Variants in ELF5 observed in about 807,000 individuals in gnomAD.
ELF5 encodes ETS-related transcription factor Elf-5.
A neutral mutation model predicts 38.2 loss-of-function variants in ELF5; 31 were observed. The ratio of observed to expected loss-of-function variants is 0.81; its 90% CI spans 0.61 to 1.10. The LOEUF is 1.10. Among genes scored for constraint, ELF5 ranks in the 50% least tolerant of loss-of-function variants. ELF5 has a pLI of 0.00. For missense variants in ELF5, 300 were observed against 306.6 expected (o/e 0.98, Z 0.16); for synonymous variants, 121 against 112.5 (o/e 1.08, Z -0.48).
intron 5 of ELF5, among the ~76,000 whole-genome samples, chr11:34,481,831 T>A (rs1357336015): frequency 6.6e-6 from 1 of 152,182 alleles, no homozygotes; most frequent in Non-Finnish European, 1.5e-5. Flanking sequence ...AATGGGATAA[T>A]AAAGAGTACC....
At chr11:34,485,476 T>C (rs1849965206) in intron 4 of ELF5, among the ~76,000 whole-genome samples, 1 of 152,200 alleles carries the variant, frequency 6.6e-6, no homozygotes, top group African/African-American at 2.4e-5. Context: ...TTATTAAGTG[T>C]GAATAGACAA....
At chr11:34,512,013 G>A (rs1850773007) in intron 1 of ELF5, among the ~76,000 whole-genome samples, 1 of 152,104 alleles carries the variant, frequency 6.6e-6, no homozygotes, top group Non-Finnish European at 1.5e-5. Context: ...CCTCTGAGTG[G>A]TATCATTGGG....
chr11:34,480,401 C>A, intron 6 of ELF5, 87 bp from the exon 7 acceptor site: 3 of 1,061,544 alleles, frequency 2.8e-6, no homozygotes, highest in Non-Finnish European at 4.3e-6. Context: ...TCATTCCTCT[C>A]AGGTGACAAG....
At position 34,482,455 on chromosome 11, in the gene ELF5, C is replaced by T. The variant is rs200183396; in HGVS notation, c.451G>A (p.Asp151Asn). 271 of 1,612,476 alleles carry T rather than the reference C, an allele frequency of 1.7e-4. 4 individuals are homozygous for T. The highest frequency in any genetic ancestry group is 1.1e-4 in the Non-Finnish European group (125 of 1,179,710). Residue 151 changes from aspartate to asparagine, a missense_variant, in exon 5 of 7, where the codon GAC (aspartate) becomes AAC (asparagine). By Grantham distance (23) the Asp-to-Asn change is conservative (BLOSUM62 1). Coordinates refer to ENST00000257832, the MANE Select transcript of ELF5 (RefSeq NM_001422.4). ...CLKTSGIKSQ[D>N]CHSHSRTSLQ... ...CTTGTTCTACTATGACTGTGACAGT[C>T]TTGACTTTTGATGCCACTTGTTTTC... is the stretch of plus-strand genomic sequence containing the variant.
intron 2 of ELF5, among the ~76,000 whole-genome samples, chr11:34,497,702 G>A (rs1278380151): frequency 6.6e-6 from 1 of 152,092 alleles, no homozygotes; most frequent in Non-Finnish European, 1.5e-5. Context: ...TGGAAAGGTG[G>A]GCCTTGTGTT....
At chr11:34,485,237 G>A (rs1849959028) in intron 4 of ELF5, among the ~76,000 whole-genome samples, 1 of 152,182 alleles carries the variant, frequency 6.6e-6, no homozygotes, top group African/African-American at 2.4e-5. Context: ...TCATTGCAAA[G>A]CTAATGTTCA....
chr11:34,488,967 C>G (rs1185315760), intron 4 of ELF5, among the ~76,000 whole-genome samples: 1 of 152,094 alleles, frequency 6.6e-6, no homozygotes, highest in Non-Finnish European at 1.5e-5. Flanking sequence ...TCTACCAGCA[C>G]CAGGAAACAG....
At chr11:34,510,565 TC>T (rs1436139600) in intron 1 of ELF5, among the ~76,000 whole-genome samples, 1 of 152,164 alleles carries the variant, frequency 6.6e-6, no homozygotes, top group Non-Finnish European at 1.5e-5. Context: ...GAGCCCCCTT[TC>T]TCAGAAGTAA....
At chr11:34,493,228 C>T (rs1850221472) in intron 3 of ELF5, 1 of 597,840 alleles carries the variant, frequency 1.7e-6, no homozygotes, top group East Asian at 2.8e-5. Flanking sequence ...CTGGGCAGTC[C>T]CTGAACGTGG....
Position 34,491,014 on chromosome 11 carries a change from C to T in ELF5, c.356-955G>A, listed in dbSNP as rs114703923. 2.9e-3 allele frequency among the ~76,000 whole-genome samples: 446 copies of T among 152,228 alleles called. 1 individual carries two copies. Among genetic ancestry groups the T allele is most frequent in the African/African-American group, 0.01 (417 of 41,526 alleles). On this transcript the variant is annotated intron_variant, in intron 3 of 6. Transcript: ENST00000257832. ...CCCTTAAATCCTACTGCAATACCTA[C>T]CGAGCTGGATGGTGCTGAGGCCTTA...
chr11:34,510,639 T>G (rs1590346121), intron 1 of ELF5, among the ~76,000 whole-genome samples: 1 of 151,666 alleles, frequency 6.6e-6, no homozygotes, highest in Non-Finnish European at 1.5e-5. Flanking sequence ...TCAAGGGGGG[T>G]GATATTGCCC....
intron 1 of ELF5, among the ~76,000 whole-genome samples, chr11:34,513,348 G>C (rs1218496723): frequency 6.6e-6 from 1 of 152,244 alleles, no homozygotes; most frequent in Admixed American, 6.5e-5. Flanking sequence ...GTAAAATCCA[G>C]CTTCCCTTCC....
chr11:34,511,003 G>A (rs1850740020), intron 1 of ELF5, among the ~76,000 whole-genome samples: 1 of 152,042 alleles, frequency 6.6e-6, no homozygotes, highest in Non-Finnish European at 1.5e-5. Context: ...TCTGCCTCTT[G>A]CCCCTCTCCA....
At chr11:34,506,188 A>G (rs1850610436) in intron 1 of ELF5, among the ~76,000 whole-genome samples, 1 of 152,212 alleles carries the variant, frequency 6.6e-6, no homozygotes, top group Admixed American at 6.5e-5. Context: ...CTGTGCAGTA[A>G]CACAGATGCA....
In ELF5 at chr11:34,490,039, C is replaced by T. The variant is rs368334489; in HGVS notation, c.376G>A (p.Ala126Thr). Residue 126 changes from alanine (A) to threonine (T), a missense_variant, in exon 4 of 7, where the codon GCT becomes ACT. Transcript: ENST00000257832. ...TTGATGGTGGCCTTGCTTTCTTCAG[C>T]GTCATTAAAAAAGGAGTAACCTGGG... ...RTQGYSFFND[A>T]EESKATIKDY... 2.4e-5 allele frequency: 38 copies of T among 1,613,878 alleles called. No homozygotes were observed. The highest frequency in any genetic ancestry group is 2.2e-4 in the South Asian group (20 of 91,066).
rs942222 is a variant in ELF5, at chr11:34,489,568, G to A, written c.406+441C>T. 3.3e-3 allele frequency among the ~76,000 whole-genome samples: 502 copies of A among 152,170 alleles called. 2 individuals carry two copies. The highest frequency in any genetic ancestry group is 0.011 in the African/African-American group (449 of 41,504). On this transcript the variant is annotated intron_variant, in intron 4 of 6. Coordinates refer to ENST00000257832, the MANE Select transcript of ELF5 (RefSeq NM_001422.4). Reference sequence around the variant, plus strand: ...ACAAGGCTATTTGAGATCCTCCATCGTCTTATAATTATAAACTCTACCTGC... The same window carrying A: ...ACAAGGCTATTTGAGATCCTCCATCATCTTATAATTATAAACTCTACCTGC...
At position 34,482,769 on chromosome 11, in the gene ELF5, T is replaced by C. The variant is rs371469020; in HGVS notation, c.407-270A>G. On this transcript the variant is annotated intron_variant, in intron 4 of 6. Coordinates refer to ENST00000257832, the MANE Select transcript of ELF5 (RefSeq NM_001422.4). The stretch of plus-strand genomic sequence containing the variant: ...CGTGCAGGGCCTTCCTAGGAGGCCA[T>C]GGTAAGGACTTGGGACTTTATATCA... Among the ~76,000 whole-genome samples, 26 of 152,234 alleles carry C rather than the reference T, an allele frequency of 1.7e-4. 1 individual carries two copies. The highest frequency in any genetic ancestry group is 6.0e-4 in the African/African-American group (25 of 41,538).
At chr11:34,487,390 C>T (rs183093991) in intron 4 of ELF5, among the ~76,000 whole-genome samples, 4 of 152,244 alleles carry the variant, frequency 2.6e-5, no homozygotes, top group East Asian at 1.9e-4. Flanking sequence ...CCTTGCCCCA[C>T]CACTTCTATT....
At chr11:34,506,342 G>A (rs958929835) in intron 1 of ELF5, among the ~76,000 whole-genome samples, 3 of 152,100 alleles carry the variant, frequency 2.0e-5, no homozygotes, top group Non-Finnish European at 2.9e-5. Flanking sequence ...CCAGAGGGAG[G>A]AGGCAGGGAA....
Sources: gnomAD v4.1 joint callset for allele counts (sites outside exome capture counted in the v4.1 genomes callset) on GRCh38, gnomAD v4.1.1 for gene constraint, MANE v1.5 for transcripts, NCBI Gene and HGNC (gene_info 2026-07-23, HGNC 2026-07-21) for gene names.